The following GAB2 variants were observed in gnomAD, a reference collection of about 807,000 sequenced individuals.
GAB2 encodes the protein GRB2-associated-binding protein 2.
Under a neutral mutation model 65.5 loss-of-function variants are expected in GAB2, and 26 were observed. The observed-to-expected ratio is 0.40, with a 90% CI of 0.29 to 0.55. The LOEUF is 0.55. GAB2 is among the 20% of genes least tolerant of loss of function. The probability of loss-of-function intolerance (pLI) is 0.53; values close to 1 mark genes in which losing one functional copy is unlikely to be tolerated. For synonymous variants in GAB2, 321 were observed against 329.6 expected, an observed-to-expected ratio of 0.97 and a Z score of 0.28; for missense variants, 884 against 875.8, an observed-to-expected ratio of 1.01 and a Z score of -0.12.
chr11:78,284,263 G>C lies in GAB2; in HGVS notation c.76-3362C>G, dbSNP rs184410294. On this transcript the variant is annotated intron_variant, in intron 1 of 9. Coordinates refer to ENST00000361507, the MANE Select transcript of GAB2 (RefSeq NM_080491.3). ...TCCTCACCTCCACTGTTGCTCACCTGGTCTAGTCCACCATTTTGTAGTCTT... is the reference window on the plus strand; with the variant it reads ...TCCTCACCTCCACTGTTGCTCACCTCGTCTAGTCCACCATTTTGTAGTCTT... 2.5e-4 allele frequency among the ~76,000 whole-genome samples: 38 copies of C among 152,274 alleles called. No homozygotes were observed. In the East Asian group the frequency reaches 6.2e-3, roughly 25 times the overall value.
At position 78,387,350 on chromosome 11, in the gene GAB2, C is replaced by G. The variant is rs546942819; in HGVS notation, c.75+30296G>C. On this transcript the variant is annotated intron_variant, in intron 1 of 9. Transcript: ENST00000361507. Reference sequence around the variant, plus strand: ...ATTGGTCAAGGTTTTCAGACACTTTCTGAAATACGCATTTCTAAAGTCTAG... The same window carrying G: ...ATTGGTCAAGGTTTTCAGACACTTTGTGAAATACGCATTTCTAAAGTCTAG... 3.3e-5 allele frequency among the ~76,000 whole-genome samples: 5 copies of G among 152,274 alleles called. No homozygotes were observed. In the South Asian group the frequency reaches 1.0e-3, roughly 32 times the overall value.
chr11:78,242,242 C>T (rs2134506973), intron 3 of GAB2, among the ~76,000 whole-genome samples: 1 of 152,280 alleles, frequency 6.6e-6, no homozygotes, highest in South Asian at 2.1e-4. Flanking sequence ...GTGGCTCATG[C>T]CTGTAATCCC....
rs1282868133 is a variant in GAB2 at position 78,220,764 on chromosome 11, C to T, written c.1762-320G>A. Among the ~76,000 whole-genome samples the T allele has an allele frequency of 3.3e-5, 5 of 152,338 alleles. No homozygotes were observed. The East Asian group carries it at 9.6e-4, about 29-fold the overall frequency. On this transcript the variant is annotated intron_variant, in intron 8 of 9. Transcript: ENST00000361507. Reference sequence around the variant, plus strand: ...CTGACTTCCAAACCTGTGCTAACCCCTGTACCACACTGCCTCCTTTCTAGC... The same window carrying T: ...CTGACTTCCAAACCTGTGCTAACCCTTGTACCACACTGCCTCCTTTCTAGC...
chr11:78,394,922 G>GT lies in GAB2; in HGVS notation c.75+22723dup, dbSNP rs377583889. 4.5e-3 allele frequency among the ~76,000 whole-genome samples: 682 copies of GT among 152,314 alleles called. 4 individuals are homozygous for GT. Among genetic ancestry groups the GT allele is most frequent in the African/African-American group, 0.016 (659 of 41,560 alleles). On this transcript the variant is annotated intron_variant, in intron 1 of 9. Transcript: ENST00000361507. ...TCCAAAGAACTCACAACAATGGGGA[G>GT]TGGACCCACAGACAGTGCTAGACAG...
chr11:78,251,362 T>C (rs748845032), intron 2 of GAB2, among the ~76,000 whole-genome samples: 8 of 152,184 alleles, frequency 5.3e-5, no homozygotes, highest in African/African-American at 1.2e-4. Flanking sequence ...TCCCTGTCTA[T>C]TGGTCATTTT....
intron 3 of GAB2, among the ~76,000 whole-genome samples, chr11:78,240,910 G>A (rs960919713): frequency 1.3e-5 from 2 of 152,152 alleles, no homozygotes; most frequent in Non-Finnish European, 2.9e-5. Flanking sequence ...TGCACCCCAA[G>A]ACCCAGCTGC....
intron 2 of GAB2, among the ~76,000 whole-genome samples, chr11:78,252,510 C>G (rs1865482901): frequency 6.6e-6 from 1 of 152,162 alleles, no homozygotes; most frequent in South Asian, 2.1e-4. Context: ...AAAAGCAAGC[C>G]TCTGGTGAGA....
intron 1 of GAB2, among the ~76,000 whole-genome samples, chr11:78,331,555 C>T (rs1855914431): frequency 6.6e-6 from 1 of 152,090 alleles, no homozygotes; most frequent in South Asian, 2.1e-4. Context: ...CCGAATCCTC[C>T]ATTCTTAAGG....
At chr11:78,384,652 C>T (rs1043849941) in intron 1 of GAB2, among the ~76,000 whole-genome samples, 2 of 152,150 alleles carry the variant, frequency 1.3e-5, no homozygotes, top group Non-Finnish European at 2.9e-5. Flanking sequence ...GGAGGCAGTG[C>T]TCTTGAGAGG....
chr11:78,236,457 T>TTA, intron 3 of GAB2, among the ~76,000 whole-genome samples: 1 of 152,156 alleles, frequency 6.6e-6, no homozygotes, highest in African/African-American at 2.4e-5. Flanking sequence ...GGACTCTTAT[T>TTA]TATTTTTCTT....
Position 78,216,266 on chromosome 11 carries a change from T to A in GAB2, c.*3006A>T, listed in dbSNP as rs1864141801. The A allele has an allele frequency of 6.6e-6, 1 of 152,334 alleles. No homozygotes were observed. Among genetic ancestry groups the A allele is most frequent in the Non-Finnish European group, 1.5e-5 (1 of 68,130 alleles). 9.4% of individuals were successfully genotyped at this position (152,334 alleles called of 1,614,324 possible). On this transcript the variant is annotated 3_prime_UTR_variant, in exon 10 of 10. Coordinates refer to ENST00000361507, the MANE Select transcript of GAB2 (RefSeq NM_080491.3). ...GCTGGAAGTGGGTGAAGAAGGCTCCTTGGAGAGCCCCAGGCAGGGGGCCTG... is the reference window on the plus strand; with the variant it reads ...GCTGGAAGTGGGTGAAGAAGGCTCCATGGAGAGCCCCAGGCAGGGGGCCTG...
chr11:78,373,317 G>A (rs1429646840), intron 1 of GAB2, among the ~76,000 whole-genome samples: 2 of 148,070 alleles, frequency 1.4e-5, no homozygotes, highest in Non-Finnish European at 3.0e-5. Flanking sequence ...TCAGCTCACT[G>A]CAACCTCCGC....
intron 2 of GAB2, among the ~76,000 whole-genome samples, chr11:78,261,304 A>G (rs1865724807): frequency 6.6e-6 from 1 of 152,026 alleles, no homozygotes; most frequent in Non-Finnish European, 1.5e-5. Context: ...ACCAAAACAA[A>G]AACCAGAACC....
intron 1 of GAB2, among the ~76,000 whole-genome samples, chr11:78,346,704 T>C (rs867774646): frequency 0.017 from 1,707 of 100,150 alleles, 115 homozygotes; most frequent in African/African-American, 0.095. Flanking sequence ...TATATATATA[T>C]ATATATATAT....
chr11:78,283,012 A>G (rs1317162860), intron 1 of GAB2, among the ~76,000 whole-genome samples: 1 of 152,186 alleles, frequency 6.6e-6, no homozygotes, highest in East Asian at 1.9e-4. Context: ...ATACATGGAG[A>G]AAATCATATG....
At chr11:78,401,188 G>A (rs1313402032) in intron 1 of GAB2, among the ~76,000 whole-genome samples, 2 of 151,778 alleles carry the variant, frequency 1.3e-5, no homozygotes, top group Non-Finnish European at 2.9e-5. Context: ...GTACAGCTCA[G>A]TGGCATTAAG....
At chr11:78,368,070 C>T (rs1209025511) in intron 1 of GAB2, among the ~76,000 whole-genome samples, 2 of 152,158 alleles carry the variant, frequency 1.3e-5, no homozygotes, top group African/African-American at 4.8e-5. Context: ...CCCGCCTCGG[C>T]CTCCCAAAGT....
chr11:78,219,734 T>C (rs954596247), intron 9 of GAB2, among the ~76,000 whole-genome samples: 3 of 152,200 alleles, frequency 2.0e-5, no homozygotes, highest in African/African-American at 7.2e-5. Context: ...CACCCATCTC[T>C]GTCAGGTCGC....
Position 78,218,961 on chromosome 11 carries a change from G to C in GAB2, c.*311C>G, listed in dbSNP as rs1864280410. 3.7e-6 allele frequency: 1 copy of C among 273,314 alleles called. No individual in the cohort carries two copies. Among genetic ancestry groups the C allele is most frequent in the South Asian group, 7.5e-5 (1 of 13,314 alleles). 16.9% of individuals were successfully genotyped at this position (273,314 alleles called of 1,614,324 possible). A position where few individuals can be genotyped will look rare whatever the true frequency, so the allele number is the denominator to read the frequency against. The stretch of plus-strand genomic sequence containing the variant: ...CCCTTCCCTCCAAACATCTGGTAGA[G>C]AGTCAGGTCTAAAGGACAGGAAGAG... On this transcript the variant is annotated 3_prime_UTR_variant, in exon 10 of 10. Transcript: ENST00000361507.
Sources: allele counts gnomAD v4.1 joint callset (sites outside exome capture counted in the v4.1 genomes callset), GRCh38; gene constraint gnomAD v4.1.1; transcripts MANE v1.5; gene names NCBI Gene and HGNC (gene_info 2026-07-23, HGNC 2026-07-21).